The following CSPP1 variants were observed in gnomAD, a reference collection of about 807,000 sequenced individuals.
CSPP1 encodes the protein centrosome and spindle pole-associated protein 1.
Under a neutral mutation model 164.4 loss-of-function variants are expected in CSPP1, and 126 were observed. The observed-to-expected ratio is 0.77, with a 90% CI of 0.66 to 0.89. CSPP1 has a LOEUF of 0.89. Ranked by LOEUF, CSPP1 falls within the 40% of genes least tolerant of loss-of-function variation. CSPP1 has a pLI of 0.00. For missense variants in CSPP1, 1,395 were observed against 1,449.8 expected (o/e 0.96, Z 0.61); for synonymous variants, 472 against 476.7 (o/e 0.99, Z 0.13).
chr8:67,130,491 G>GT (rs1821007436), intron 15 of CSPP1, among the ~76,000 whole-genome samples: 2 of 152,082 alleles, frequency 1.3e-5, no homozygotes, highest in African/African-American at 4.8e-5. Flanking sequence ...CCCTTGCTCT[G>GT]AAAAAATACA....
At position 67,160,026 on chromosome 8, in the gene CSPP1, CTTTTCT is replaced by C. The variant is rs1554606078; in HGVS notation, c.2538+910_2538+915del. The stretch of plus-strand genomic sequence containing the variant: ...CTTTTCTTTTCTTTTCTTTTCTTTT[CTTTTCT>C]TTTTCTTTTTCTTTTTCTTTCTTTT... On this transcript the variant is annotated intron_variant, in intron 21 of 30. Transcript: ENST00000678616. Among the ~76,000 whole-genome samples, 142 of 53,674 alleles carry C rather than the reference CTTTTCT, an allele frequency of 2.6e-3. 2 individuals are homozygous for C. Among genetic ancestry groups the C allele is most frequent in the African/African-American group, 4.3e-3 (40 of 9,230 alleles). 35.2% of individuals were successfully genotyped at this position (53,674 alleles called of 152,430 possible). A position where few individuals can be genotyped will look rare whatever the true frequency, so the allele number is the denominator to read the frequency against.
At chr8:67,068,825 C>G (rs1806119240) in intron 1 of CSPP1, among the ~76,000 whole-genome samples, 1 of 152,220 alleles carries the variant, frequency 6.6e-6, no homozygotes, top group African/African-American at 2.4e-5. Context: ...AAGACAAAAA[C>G]ATTCCATCAG....
intron 2 of CSPP1, among the ~76,000 whole-genome samples, chr8:67,075,936 G>T (rs1260097021): frequency 6.6e-6 from 1 of 152,136 alleles, no homozygotes; most frequent in African/African-American, 2.4e-5. Flanking sequence ...GGAGTTACAT[G>T]ATTTGGAGTA....
Position 67,111,988 on chromosome 8 carries a change from A to G in CSPP1, c.1110A>G (p.Glu370=). Reference sequence around the variant, plus strand: ...ACTATCTAGGAGGTGAAGATCGAGAACTTATTCAGAGAAGGAAAGAGAAAT... The same window carrying G: ...ACTATCTAGGAGGTGAAGATCGAGAGCTTATTCAGAGAAGGAAAGAGAAAT... The part of the protein sequence containing the change: ...AGMLFGGEDR[E]LIQRRKEKYR... The change falls in exon 10 of 31, where the codon GAA becomes GAG. Residue 370 remains glutamate, a synonymous_variant. Coordinates refer to ENST00000678616, the MANE Select transcript of CSPP1 (RefSeq NM_001382391.1). 1 of 1,608,928 alleles carries G rather than the reference A, an allele frequency of 6.2e-7. No individual in the cohort carries two copies.
At chr8:67,136,427 G>T (rs1420786246) in intron 16 of CSPP1, among the ~76,000 whole-genome samples, 1 of 151,892 alleles carries the variant, frequency 6.6e-6, no homozygotes, top group Non-Finnish European at 1.5e-5. Context: ...AAAATAACTG[G>T]GCGTGGTGGC....
Position 67,158,469 on chromosome 8 carries a change from A to G in CSPP1, c.2264A>G (p.Glu755Gly), listed in dbSNP as rs943782714. 1 of 1,606,974 alleles carries G rather than the reference A, an allele frequency of 6.2e-7. No homozygotes were observed. The highest frequency in any genetic ancestry group is 8.5e-7 in the Non-Finnish European group (1 of 1,177,302). Reference sequence around the variant, plus strand: ...TAGATTGAGGAAAAGAAACAAAGAGAGGAAGCAGAGCGAGAGAGACTGAGA... The same window carrying G: ...TAGATTGAGGAAAAGAAACAAAGAGGGGAAGCAGAGCGAGAGAGACTGAGA... ...RFQIEEKKQR[E>G]EAERERLRIA... Residue 755 changes from glutamate (E) to glycine (G), a missense_variant, in exon 20 of 31, where the codon GAG (glutamate) becomes GGG (glycine). Transcript: ENST00000678616.
intron 1 of CSPP1, chr8:67,065,513 G>A (rs1585751454): frequency 2.0e-6 from 2 of 980,090 alleles, no homozygotes; most frequent in East Asian, 1.1e-4. Context: ...TTGTAATGTT[G>A]ACAAGCTCCA....
In CSPP1 at chr8:67,118,298, A is replaced by G. The variant is rs1413896217; in HGVS notation, c.1547A>G (p.Tyr516Cys). The change falls in exon 14 of 31, where the codon TAT becomes TGT. Residue 516 changes from tyrosine to cysteine, a missense_variant. Physicochemically the swap from Tyr to Cys is radical, Grantham distance 194. Coordinates refer to ENST00000678616, the MANE Select transcript of CSPP1 (RefSeq NM_001382391.1). ...CTACTACCACCTTTGGCTACTAACT[A>G]TCGAACTCCTTATGATGATGCATAC... Reference protein sequence around the residue: ...PPLLPPLATNYRTPYDDAYYF... With the variant: ...PPLLPPLATNCRTPYDDAYYF... The G allele has an allele frequency of 1.2e-5, 19 of 1,613,286 alleles. No individual in the cohort carries two copies. The Admixed American group carries it at 2.2e-4, about 18-fold the overall frequency.
chr8:67,099,025 C>T (rs1268705306), intron 7 of CSPP1, among the ~76,000 whole-genome samples: 1 of 151,134 alleles, frequency 6.6e-6, no homozygotes, highest in Non-Finnish European at 1.5e-5. Flanking sequence ...GTACCCTATA[C>T]CTGGTTTCTT....
intron 1 of CSPP1, among the ~76,000 whole-genome samples, chr8:67,065,161 CCGTAGCT>C (rs1162406509): frequency 2.0e-5 from 3 of 152,174 alleles, no homozygotes; most frequent in Non-Finnish European, 2.9e-5. Flanking sequence ...TTAATCTTCA[CCGTAGCT>C]CGTAGCTCGT....
chr8:67,100,095 T>C (rs141325796), intron 7 of CSPP1, among the ~76,000 whole-genome samples: 2 of 152,246 alleles, frequency 1.3e-5, no homozygotes, highest in African/African-American at 4.8e-5. Context: ...CATTTTTCGG[T>C]CTTGATCTTA....
At chr8:67,121,149 G>C (rs1818890810) in intron 15 of CSPP1, among the ~76,000 whole-genome samples, 1 of 152,194 alleles carries the variant, frequency 6.6e-6, no homozygotes, top group Non-Finnish European at 1.5e-5. Flanking sequence ...CACTGCGCCT[G>C]GCCCCTTATT....
chr8:67,157,653 T>G (rs1054813682), intron 19 of CSPP1: 1 of 152,226 alleles, frequency 6.6e-6, no homozygotes, highest in Non-Finnish European at 1.5e-5. Flanking sequence ...CTGAGTAGTA[T>G]GATCCATACC....
At chr8:67,128,019 A>C (rs932488738) in intron 15 of CSPP1, among the ~76,000 whole-genome samples, 1 of 152,158 alleles carries the variant, frequency 6.6e-6, no homozygotes, top group Non-Finnish European at 1.5e-5. Context: ...GCATGCTTTA[A>C]TCTTTGTATC....
At chr8:67,106,057 TAATA>T (rs1328808078) in intron 9 of CSPP1, 82 bp downstream of exon 9, 13 of 723,604 alleles carry the variant, frequency 1.8e-5, no homozygotes, top group African/African-American at 3.6e-5. Flanking sequence ...GTGTTGTAAT[TAATA>T]CTATTTTTAC....
At chr8:67,074,747 C>A in intron 2 of CSPP1, 1 of 277,638 alleles carries the variant, frequency 3.6e-6, no homozygotes, top group South Asian at 3.3e-5. Context: ...TTATTTTGTA[C>A]TATTTGTGTT....
intron 17 of CSPP1, among the ~76,000 whole-genome samples, chr8:67,143,164 A>C (rs1238272971): frequency 2.0e-5 from 3 of 151,920 alleles, no homozygotes; most frequent in Non-Finnish European, 4.4e-5. Flanking sequence ...AGTCTCCTCC[A>C]ATCTGTGAAA....
At chr8:67,178,089 TG>T (rs1832122748) in intron 27 of CSPP1, among the ~76,000 whole-genome samples, 1 of 152,238 alleles carries the variant, frequency 6.6e-6, no homozygotes, top group Non-Finnish European at 1.5e-5. Context: ...ATAAGTTTTA[TG>T]TAAGTGTTTA....
At chr8:67,098,228 A>G (rs548775911) in intron 7 of CSPP1, among the ~76,000 whole-genome samples, 2 of 151,418 alleles carry the variant, frequency 1.3e-5, no homozygotes, top group Non-Finnish European at 3.0e-5. Context: ...GACAAAAAAT[A>G]ATTATAATGT....
Sources: allele counts gnomAD v4.1 joint callset (sites outside exome capture counted in the v4.1 genomes callset), GRCh38; gene constraint gnomAD v4.1.1; transcripts MANE v1.5; gene names NCBI Gene and HGNC (gene_info 2026-07-23, HGNC 2026-07-21).